RSPO4: variants seen among roughly 807,000 people sequenced by gnomAD.
RSPO4 encodes R-spondin 4.
Under a neutral mutation model 24.8 loss-of-function variants are expected in RSPO4, and 23 were observed. The ratio of observed to expected loss-of-function variants is 0.93; its 90% CI spans 0.67 to 1.31. RSPO4 has a LOEUF of 1.31. Among genes scored for constraint, RSPO4 ranks in the 40% most tolerant of loss-of-function variants. The pLI is 0.00. For missense variants in RSPO4, 333 were observed against 316.5 expected, an observed-to-expected ratio of 1.05 and a Z score of -0.39; for synonymous variants, 141 against 127.4, an observed-to-expected ratio of 1.11 and a Z score of -0.72.
intron 1 of RSPO4, among the ~76,000 whole-genome samples, chr20:980,278 G>A (rs535985114): frequency 4.6e-5 from 7 of 152,092 alleles, no homozygotes; most frequent in East Asian, 1.9e-4. Context: ...ATCCCTGTGC[G>A]CCTCCTCAGT....
At chr20:993,441 C>G (rs1415473162) in intron 1 of RSPO4, among the ~76,000 whole-genome samples, 1 of 152,156 alleles carries the variant, frequency 6.6e-6, no homozygotes, top group Non-Finnish European at 1.5e-5. Flanking sequence ...TGCTGTTCCA[C>G]CGGGCTAGGA....
intron 1 of RSPO4, among the ~76,000 whole-genome samples, chr20:991,435 T>G (rs1049755870): frequency 1.4e-4 from 22 of 152,158 alleles, no homozygotes; most frequent in Admixed American, 3.9e-4. Flanking sequence ...AAGATTTTTT[T>G]TGTGTCAAAA....
At chr20:1,001,104 A>G (rs546678709) in intron 1 of RSPO4, among the ~76,000 whole-genome samples, 14 of 152,316 alleles carry the variant, frequency 9.2e-5, no homozygotes, top group African/African-American at 2.6e-4. Flanking sequence ...TGAGCCTTGG[A>G]ATCCCAGGCT....
At chr20:984,168 TCTACTAAAAACACAAAA>T (rs1243898598) in intron 1 of RSPO4, among the ~76,000 whole-genome samples, 1 of 151,814 alleles carries the variant, frequency 6.6e-6, no homozygotes, top group Non-Finnish European at 1.5e-5. Context: ...AAACCCCGTC[TCTACTAAAAACACAAAA>T]CACCTGCACC....
At chr20:994,115 C>T (rs1985197697) in intron 1 of RSPO4, among the ~76,000 whole-genome samples, 1 of 152,214 alleles carries the variant, frequency 6.6e-6, no homozygotes, top group Non-Finnish European at 1.5e-5. Context: ...ATGCAGGTAA[C>T]ATCTGGCATC....
intron 1 of RSPO4, among the ~76,000 whole-genome samples, chr20:997,194 C>T (rs1985320929): frequency 2.0e-5 from 3 of 152,318 alleles, no homozygotes; most frequent in Admixed American, 2.0e-4. Flanking sequence ...TGGCCCGCCT[C>T]CCTCCTTCCT....
intron 1 of RSPO4, among the ~76,000 whole-genome samples, chr20:994,822 C>A (rs1263284256): frequency 6.6e-6 from 1 of 152,200 alleles, no homozygotes; most frequent in Non-Finnish European, 1.5e-5. Context: ...CCTCAGCCTT[C>A]CAAAGTGCTG....
At chr20:968,275 C>G (rs1984295114) in intron 1 of RSPO4, 137 bp from the exon 2 acceptor site, 1 of 727,038 alleles carries the variant, frequency 1.4e-6, no homozygotes, top group Admixed American at 2.2e-5. Flanking sequence ...ACATTTCCCA[C>G]CTTCCCTTAC....
intron 1 of RSPO4, among the ~76,000 whole-genome samples, chr20:979,555 C>T (rs940613058): frequency 2.0e-5 from 3 of 152,002 alleles, no homozygotes; most frequent in Non-Finnish European, 4.4e-5. Flanking sequence ...ACCCATAGCA[C>T]AATGTCAGTC....
chr20:968,168 GGAAAGGGA>G, intron 1 of RSPO4, 30 bp from the exon 2 acceptor site: 1 of 1,604,924 alleles, frequency 6.2e-7, no homozygotes, highest in Non-Finnish European at 8.5e-7. Context: ...AGAAGGAGGG[GGAAAGGGA>G]GAGAGAGATG....
At chr20:993,325 C>T (rs1304290349) in intron 1 of RSPO4, among the ~76,000 whole-genome samples, 5 of 152,168 alleles carry the variant, frequency 3.3e-5, no homozygotes, top group African/African-American at 4.8e-5. Flanking sequence ...CAGCAGTGTC[C>T]GGGTGGAGTT....
chr20:1,001,778 T>C (rs1985471726), intron 1 of RSPO4, among the ~76,000 whole-genome samples: 1 of 152,134 alleles, frequency 6.6e-6, no homozygotes, highest in African/African-American at 2.4e-5. Flanking sequence ...AGGCTGGCTC[T>C]TGAGTCTTCT....
chr20:990,388 G>A (rs754917948), intron 1 of RSPO4, among the ~76,000 whole-genome samples: 5 of 152,166 alleles, frequency 3.3e-5, no homozygotes, highest in Admixed American at 1.3e-4. Flanking sequence ...CCTCCAGACA[G>A]TCAAAAAAGC....
intron 4 of RSPO4, among the ~76,000 whole-genome samples, chr20:963,062 T>C (rs904653364): frequency 6.6e-6 from 1 of 152,262 alleles, no homozygotes; most frequent in African/African-American, 2.4e-5. Flanking sequence ...CTCTCTTCTA[T>C]GTAAATCAGT....
intron 1 of RSPO4, among the ~76,000 whole-genome samples, chr20:982,866 C>T (rs1984784377): frequency 6.6e-6 from 1 of 152,214 alleles, no homozygotes; most frequent in Non-Finnish European, 1.5e-5. Context: ...CCTCTCGTGG[C>T]TCTTTGGGAG....
chr20:967,071 G>A (rs1404463461), intron 3 of RSPO4, 103 bp downstream of exon 3: 2 of 1,170,270 alleles, frequency 1.7e-6, no homozygotes, highest in African/African-American at 3.0e-5. Context: ...TCACCATATG[G>A]CATTCTACTG....
intron 1 of RSPO4, among the ~76,000 whole-genome samples, chr20:990,383 A>G (rs1985057769): frequency 6.6e-6 from 1 of 152,146 alleles, no homozygotes; most frequent in African/African-American, 2.4e-5. Flanking sequence ...AGCAACCTCC[A>G]GACAGTCAAA....
chr20:988,152 G>A (rs1262731177), intron 1 of RSPO4, among the ~76,000 whole-genome samples: 2 of 152,234 alleles, frequency 1.3e-5, no homozygotes, highest in African/African-American at 4.8e-5. Flanking sequence ...AGGCCAGAGT[G>A]CAGTGACTGA....
At chr20:1,001,939 A>G in intron 1 of RSPO4, 147 bp downstream of exon 1, 4 of 659,308 alleles carry the variant, frequency 6.1e-6, no homozygotes, top group Non-Finnish European at 1.0e-5. Flanking sequence ...CCCCATCTTA[A>G]GTGAGGTTGA....
Sources: allele counts gnomAD v4.1 joint callset (sites outside exome capture counted in the v4.1 genomes callset), GRCh38; gene constraint gnomAD v4.1.1; transcripts MANE v1.5; gene names NCBI Gene and HGNC (gene_info 2026-07-23, HGNC 2026-07-21).